Variants in PDLIM1 observed in about 807,000 individuals in gnomAD.
PDLIM1 encodes PDZ and LIM domain protein 1.
In PDLIM1, 25 loss-of-function variants were observed where a neutral mutation model predicts 35.2. The observed-to-expected ratio is 0.71, with a 90% confidence interval of 0.52 to 0.99. The LOEUF (loss-of-function observed/expected upper bound fraction) is 0.99. Among genes scored for constraint, PDLIM1 ranks in the 50% least tolerant of loss-of-function variants. The probability of loss-of-function intolerance (pLI) is 0.00; values close to 1 mark genes in which losing one functional copy is unlikely to be tolerated. For synonymous variants in PDLIM1, 152 were observed against 154.0 expected (o/e 0.99, Z 0.10); for missense variants, 363 against 415.3 (o/e 0.87, Z 1.09).
chr10:95,287,725 G>A (rs1290847672), intron 1 of PDLIM1, among the ~76,000 whole-genome samples: 1 of 151,992 alleles, frequency 6.6e-6, no homozygotes, highest in East Asian at 1.9e-4. Flanking sequence ...AGCAGGAACT[G>A]ACAGAAAAAA....
chr10:95,255,993 A>AC (rs2035308348), intron 4 of PDLIM1, among the ~76,000 whole-genome samples: 1 of 152,090 alleles, frequency 6.6e-6, no homozygotes, highest in Non-Finnish European at 1.5e-5. Flanking sequence ...CAACAAACAA[A>AC]AAAGTTGTTT....
At chr10:95,247,396 GAC>G (rs1564598356) in intron 4 of PDLIM1, 30 bp from the exon 5 acceptor site, 1 of 1,581,216 alleles carries the variant, frequency 6.3e-7, no homozygotes, top group East Asian at 2.2e-5. Flanking sequence ...AATTGATTAG[GAC>G]ATGACAGAAG....
At chr10:95,256,844 G>A (rs981319554) in intron 4 of PDLIM1, among the ~76,000 whole-genome samples, 5 of 151,584 alleles carry the variant, frequency 3.3e-5, no homozygotes, top group Non-Finnish European at 4.4e-5. Context: ...GAGTGGCAAC[G>A]CAAGCCTGTA....
chr10:95,260,307 T>A (rs1295688220), intron 4 of PDLIM1, among the ~76,000 whole-genome samples: 1 of 152,190 alleles, frequency 6.6e-6, no homozygotes, highest in Non-Finnish European at 1.5e-5. Flanking sequence ...GGCCCCTCTA[T>A]CTACCAAGCC....
chr10:95,274,710 G>A (rs891638032), intron 1 of PDLIM1, among the ~76,000 whole-genome samples: 2 of 152,170 alleles, frequency 1.3e-5, no homozygotes, highest in Non-Finnish European at 2.9e-5. Flanking sequence ...CAGCAGTAAG[G>A]TGCATGAGGG....
At chr10:95,287,446 T>A (rs2035612598) in intron 1 of PDLIM1, among the ~76,000 whole-genome samples, 1 of 152,160 alleles carries the variant, frequency 6.6e-6, no homozygotes. Flanking sequence ...ACAGAACCGC[T>A]CAGCTCTTAG....
In PDLIM1 at chr10:95,262,157, C is replaced by T. The variant is rs149811604; in HGVS notation, c.533+1707G>A. On this transcript the variant is annotated intron_variant, in intron 4 of 6. Coordinates refer to ENST00000329399, the MANE Select transcript of PDLIM1 (RefSeq NM_020992.4). ...CTATATGCAAGGAATGCCCAAGGAG[C>T]CCTTGAGAGGTGTTGCTACAACAGC... Among the ~76,000 whole-genome samples the T allele has an allele frequency of 5.0e-4, 76 of 152,190 alleles. No homozygotes were observed. In the East Asian group the frequency reaches 0.011, roughly 22 times the overall value.
rs1359073862 is a variant in PDLIM1 at position 95,290,493 on chromosome 10, G to A, written c.96+327C>T. Among the ~76,000 whole-genome samples the A allele has an allele frequency of 5.3e-5, 8 of 152,020 alleles. No individual in the cohort carries two copies. The highest frequency in any genetic ancestry group is 1.9e-4 in the East Asian group (1 of 5,168). On this transcript the variant is annotated intron_variant, in intron 1 of 6. Transcript: ENST00000329399. This position sits in a 1 kb window ranked among gnomAD's most constrained non-coding sequence, Gnocchi z 4.7. ...CCATCTCCCAGCGCGCGGGATCTGCGGGGACCCTCGTCCCCTCGCTGGTTG... is the reference window on the plus strand; with the variant it reads ...CCATCTCCCAGCGCGCGGGATCTGCAGGGACCCTCGTCCCCTCGCTGGTTG...
intron 1 of PDLIM1, among the ~76,000 whole-genome samples, chr10:95,280,924 G>T (rs888420471): frequency 6.6e-6 from 1 of 152,118 alleles, no homozygotes; most frequent in Admixed American, 6.5e-5. Context: ...ATCCCATGGG[G>T]GCAGGGATTC....
At chr10:95,247,600 A>G in intron 4 of PDLIM1, 1 of 408,532 alleles carries the variant, frequency 2.4e-6, no homozygotes, top group Non-Finnish European at 4.3e-6. Flanking sequence ...AAATAGCTTC[A>G]GTAGCTCAAT....
At position 95,271,139 on chromosome 10, in the gene PDLIM1, G is replaced by A. The variant is rs45439297; in HGVS notation, c.248+494C>T. Among the ~76,000 whole-genome samples the A allele has an allele frequency of 8.7e-3, 1,319 of 151,640 alleles. 26 individuals carry two copies. The highest frequency in any genetic ancestry group is 0.03 in the African/African-American group (1,259 of 41,388). ...GAAAGAAGCCCACATCATAAGCACC[G>A]TGAAAATCAGAGGGGGGCTGGGCAC... is the stretch of plus-strand genomic sequence containing the variant. On this transcript the variant is annotated intron_variant, in intron 2 of 6. Transcript: ENST00000329399.
At chr10:95,255,335 A>AG (rs2035303476) in intron 4 of PDLIM1, among the ~76,000 whole-genome samples, 1 of 151,690 alleles carries the variant, frequency 6.6e-6, no homozygotes, top group African/African-American at 2.4e-5. Flanking sequence ...AAAAAAAAAA[A>AG]AAAAAAAGCT....
chr10:95,284,019 CCTT>C (rs1315823781), intron 1 of PDLIM1, among the ~76,000 whole-genome samples: 1 of 146,806 alleles, frequency 6.8e-6, no homozygotes, highest in East Asian at 2.0e-4. Context: ...GTGTGTGTCT[CCTT>C]CATGTCACTG....
At chr10:95,249,076 TG>T (rs2035246311) in intron 4 of PDLIM1, among the ~76,000 whole-genome samples, 1 of 152,254 alleles carries the variant, frequency 6.6e-6, no homozygotes. Context: ...GAGCATGGCC[TG>T]TCTTGCTCCC....
chr10:95,285,575 G>C (rs1478089587), intron 1 of PDLIM1, among the ~76,000 whole-genome samples: 1 of 152,174 alleles, frequency 6.6e-6, no homozygotes, highest in Non-Finnish European at 1.5e-5. Flanking sequence ...GGGGAATACA[G>C]AAGAAGATAA....
At chr10:95,269,443 A>G (rs2035443214) in intron 2 of PDLIM1, among the ~76,000 whole-genome samples, 1 of 151,972 alleles carries the variant, frequency 6.6e-6, no homozygotes, top group South Asian at 2.1e-4. Context: ...GTGGTGGCAT[A>G]CGCCTATAAT....
chr10:95,277,796 C>G (rs1039077867), intron 1 of PDLIM1, among the ~76,000 whole-genome samples: 3 of 152,210 alleles, frequency 2.0e-5, no homozygotes, highest in Non-Finnish European at 4.4e-5. Context: ...TAGAGGCCAA[C>G]ATGTTCTCCA....
rs1028813998 is a variant in PDLIM1, at chr10:95,247,332, T to C, written c.568A>G (p.Ile190Val). Reference sequence around the variant, plus strand: ...TTGTAAACTTCAGATTCTTTGTCGATGACAAGGCTGCTTGGAGGCTGAGCA... The same window carrying C: ...TTGTAAACTTCAGATTCTTTGTCGACGACAAGGCTGCTTGGAGGCTGAGCA... Reference protein sequence around the residue: ...DHAQPPSSLVIDKESEVYKML... With the variant: ...DHAQPPSSLVVDKESEVYKML... The change falls in exon 5 of 7, where the codon ATC (isoleucine) becomes GTC (valine). Residue 190 changes from isoleucine (I) to valine (V), a missense_variant. By Grantham distance (29) the Ile-to-Val change is conservative. Coordinates refer to ENST00000329399, the MANE Select transcript of PDLIM1 (RefSeq NM_020992.4). 10 of 1,613,888 alleles carry C rather than the reference T, an allele frequency of 6.2e-6. No individual in the cohort carries two copies. The highest frequency in any genetic ancestry group is 1.1e-5 in the South Asian group (1 of 91,046).
In PDLIM1 at chr10:95,258,788, A is replaced by C. The variant is rs562408462; in HGVS notation, c.533+5076T>G. ...CATAGTAAACATTACAATACACTTA[A>C]AAACGTTTAAGATCATAAATTTCAT... is the stretch of plus-strand genomic sequence containing the variant. On this transcript the variant is annotated intron_variant, in intron 4 of 6. Coordinates refer to ENST00000329399, the MANE Select transcript of PDLIM1 (RefSeq NM_020992.4). Among the ~76,000 whole-genome samples the C allele has an allele frequency of 4.9e-4, 74 of 152,346 alleles. 1 individual carries two copies. Among genetic ancestry groups the C allele is most frequent in the African/African-American group, 1.7e-3 (72 of 41,576 alleles).
Sources: gnomAD v4.1 joint callset for allele counts (sites outside exome capture counted in the v4.1 genomes callset) on GRCh38, gnomAD v4.1.1 for gene constraint, Gnocchi (gnomAD v3.1) non-coding constraint, MANE v1.5 for transcripts, NCBI Gene and HGNC (gene_info 2026-07-23, HGNC 2026-07-21) for gene names.